Variants in HEATR5A observed in about 807,000 individuals in gnomAD.
HEATR5A encodes the protein HEAT repeat-containing protein 5A.
Under a neutral mutation model 218.8 loss-of-function variants are expected in HEATR5A, and 178 were observed. The observed-to-expected ratio is 0.81, with a 90% CI of 0.72 to 0.92. The LOEUF is 0.92. Among genes scored for constraint, HEATR5A ranks in the 40% least tolerant of loss-of-function variants. HEATR5A has a pLI of 0.00. For missense variants in HEATR5A, 2,420 were observed against 2,418.9 expected, an observed-to-expected ratio of 1.00 and a Z score of -0.01; for synonymous variants, 864 against 871.6, an observed-to-expected ratio of 0.99 and a Z score of 0.15.
At chr14:31,370,130 G>C (rs1199661945) in intron 13 of HEATR5A, among the ~76,000 whole-genome samples, 3 of 151,932 alleles carry the variant, frequency 2.0e-5, no homozygotes, top group Non-Finnish European at 4.4e-5. Context: ...GGAGGCTGAG[G>C]CAGGAGAATG....
rs138006130 is a variant in HEATR5A at position 31,336,185 on chromosome 14, C to T, written c.3367+1291G>A. Reference sequence around the variant, plus strand: ...GTAGAGATGGGGTCATGCCATATTGCGCAGGGGGTTATTTTTATATATACA... The same window carrying T: ...GTAGAGATGGGGTCATGCCATATTGTGCAGGGGGTTATTTTTATATATACA... On this transcript the variant is annotated intron_variant, in intron 22 of 35. Transcript: ENST00000543095. Among the ~76,000 whole-genome samples, 157 of 136,672 alleles carry T rather than the reference C, an allele frequency of 1.1e-3. 1 individual carries two copies. Among genetic ancestry groups the T allele is most frequent in the African/African-American group, 3.8e-3 (138 of 36,614 alleles). The allele number at this position is 136,672 out of a possible 152,430, so 89.7% of individuals were successfully genotyped here.
chr14:31,310,821 C>T (rs994341247), intron 28 of HEATR5A, among the ~76,000 whole-genome samples: 3 of 152,068 alleles, frequency 2.0e-5, no homozygotes, highest in South Asian at 2.1e-4. Flanking sequence ...ACAAACACTC[C>T]ATATATCTTT....
intron 32 of HEATR5A, among the ~76,000 whole-genome samples, chr14:31,303,989 T>A (rs2139134442): frequency 6.6e-6 from 1 of 152,112 alleles, no homozygotes; most frequent in East Asian, 1.9e-4. Flanking sequence ...GAGGATCACT[T>A]GAGGCCAGGA....
intron 24 of HEATR5A, among the ~76,000 whole-genome samples, chr14:31,322,181 C>T (rs1027783504): frequency 2.6e-5 from 4 of 152,226 alleles, no homozygotes; most frequent in African/African-American, 4.8e-5. Context: ...CATTTCTAGT[C>T]GTAGAAATGA....
At chr14:31,411,268 GTAAT>G (rs1412517083) in intron 1 of HEATR5A, among the ~76,000 whole-genome samples, 3 of 152,122 alleles carry the variant, frequency 2.0e-5, no homozygotes, top group African/African-American at 7.2e-5. Context: ...TTACAGCACT[GTAAT>G]TAACTGTAAT....
intron 3 of HEATR5A, 25 bp downstream of exon 3, chr14:31,400,276 T>A: frequency 6.9e-7 from 1 of 1,446,620 alleles, no homozygotes; most frequent in East Asian, 2.5e-5. Context: ...TTTTGTTTTC[T>A]GTTCTGTTTT....
intron 1 of HEATR5A, among the ~76,000 whole-genome samples, chr14:31,409,788 C>T (rs1024292726): frequency 3.9e-5 from 6 of 152,198 alleles, no homozygotes; most frequent in African/African-American, 1.4e-4. Context: ...ACAGTGTAAG[C>T]ACCTTCAACA....
chr14:31,359,010 G>C lies in HEATR5A; in HGVS notation c.2119C>G (p.Pro707Ala), dbSNP rs756239192. 6 of 1,587,482 alleles carry C rather than the reference G, an allele frequency of 3.8e-6. No individual in the cohort carries two copies. The highest frequency in any genetic ancestry group is 1.7e-4 in the Middle Eastern group (1 of 5,976). ...GTAGATGCTGCCACCTGAATATCAGGGGCAGTCAAGTCAGCAGCCAGCTCT... is the reference window on the plus strand; with the variant it reads ...GTAGATGCTGCCACCTGAATATCAGCGGCAGTCAAGTCAGCAGCCAGCTCT... ...LRELAADLTA[P>A]DIQVAASTFL... Residue 707 changes from proline to alanine, a missense_variant, in exon 15 of 36, where the codon CCT becomes GCT. Coordinates refer to ENST00000543095, the MANE Select transcript of HEATR5A (RefSeq NM_015473.4).
At chr14:31,317,925 A>G (rs2139158865) in intron 26 of HEATR5A, among the ~76,000 whole-genome samples, 1 of 152,162 alleles carries the variant, frequency 6.6e-6, no homozygotes, top group East Asian at 1.9e-4. Flanking sequence ...AATTTATCTC[A>G]CAGATATGCT....
intron 12 of HEATR5A, 39 bp downstream of exon 12, chr14:31,374,777 G>C: frequency 6.4e-7 from 1 of 1,567,860 alleles, no homozygotes; most frequent in Non-Finnish European, 8.6e-7. Context: ...TGGGTAAAAA[G>C]CCAAAGGAAA....
At chr14:31,362,170 T>C (rs893874462) in intron 14 of HEATR5A, among the ~76,000 whole-genome samples, 12 of 152,162 alleles carry the variant, frequency 7.9e-5, no homozygotes, top group African/African-American at 2.6e-4. Context: ...GATTTCACCA[T>C]GTTGGCCAGG....
intron 32 of HEATR5A, among the ~76,000 whole-genome samples, chr14:31,303,767 AAGG>A (rs1899465481): frequency 6.6e-6 from 1 of 152,182 alleles, no homozygotes; most frequent in African/African-American, 2.4e-5. Flanking sequence ...AAAAGCAGAT[AAGG>A]GTCATTTCAG....
Position 31,359,013 on chromosome 14 carries a change from C to A in HEATR5A, c.2116G>T (p.Ala706Ser). The change falls in exon 15 of 36, where the codon GCC becomes TCC. Residue 706 changes from alanine (A) to serine (S), a missense_variant. Physicochemically the swap from Ala to Ser is moderately conservative, Grantham distance 99. Transcript: ENST00000543095. ...ILRELAADLT[A>S]PDIQVAASTF... ...GATGCTGCCACCTGAATATCAGGGGCAGTCAAGTCAGCAGCCAGCTCTCTG... is the reference window on the plus strand; with the variant it reads ...GATGCTGCCACCTGAATATCAGGGGAAGTCAAGTCAGCAGCCAGCTCTCTG... The A allele has an allele frequency of 1.9e-6, 3 of 1,587,466 alleles. No homozygotes were observed. The highest frequency in any genetic ancestry group is 2.6e-6 in the Non-Finnish European group (3 of 1,173,928).
Position 31,383,521 on chromosome 14 carries a change from C to T in HEATR5A, c.1596G>A (p.Lys532=), listed in dbSNP as rs758087419. 1 of 1,609,872 alleles carries T rather than the reference C, an allele frequency of 6.2e-7. No individual in the cohort carries two copies. The highest frequency in any genetic ancestry group is 8.5e-7 in the Non-Finnish European group (1 of 1,176,844). Residue 532 remains lysine (K), a splice_region_variant and synonymous_variant, in exon 10 of 36, where the codon AAG becomes AAA. Coordinates refer to ENST00000543095, the MANE Select transcript of HEATR5A (RefSeq NM_015473.4). The part of the protein sequence containing the change: ...CPLGIPHGKG[K]IIMTLAEDLL... The stretch of plus-strand genomic sequence containing the variant: ...CATACATAGAGAATGAAATCATTAC[C>T]TTGCCTTTTCCATGAGGAATTCCTA...
In HEATR5A at chr14:31,321,580, C is replaced by T. The variant is rs892624709; in HGVS notation, c.3888G>A (p.Leu1296=). Reference sequence around the variant, plus strand: ...TTGCAAATCGCCGAATAACAACTAACAGCATTTCAAGGCCAGAAAGACGGA... The same window carrying T: ...TTGCAAATCGCCGAATAACAACTAATAGCATTTCAAGGCCAGAAAGACGGA... The part of the protein sequence containing the change: ...DQLRLSGLEM[L]LVVIRRFATV... Residue 1296 remains leucine, a synonymous_variant, in exon 25 of 36, where the codon CTG becomes CTA. Transcript: ENST00000543095. 15 of 1,608,600 alleles carry T rather than the reference C, an allele frequency of 9.3e-6. No homozygotes were observed. The African/African-American group carries it at 1.9e-4, about 20-fold the overall frequency.
In HEATR5A at chr14:31,362,545, T is replaced by C. The variant is rs922678616; in HGVS notation, c.2071+1644A>G. On this transcript the variant is annotated intron_variant, in intron 14 of 35. Coordinates refer to ENST00000543095, the MANE Select transcript of HEATR5A (RefSeq NM_015473.4). ...TGAGAGGCTGAGGTGGGAGGATCAC[T>C]GAAGCCCAGAAATTTGAGAACAACC... Among the ~76,000 whole-genome samples, 3 of 138,178 alleles carry C rather than the reference T, an allele frequency of 2.2e-5. No individual in the cohort carries two copies. In the Admixed American group the frequency reaches 2.4e-4, roughly 11 times the overall value. 90.7% of individuals were successfully genotyped at this position (138,178 alleles called of 152,430 possible).
At chr14:31,294,146 A>T in intron 34 of HEATR5A, 42 bp from the exon 35 acceptor site, 1 of 1,316,602 alleles carries the variant, frequency 7.6e-7, no homozygotes, top group Non-Finnish European at 1.1e-6. Context: ...CTATAAATAA[A>T]TTTTTAAAAA....
Position 31,305,182 on chromosome 14 carries a change from A to G in HEATR5A, c.4967-5T>C. The G allele has an allele frequency of 6.2e-7, 1 of 1,612,022 alleles. No homozygotes were observed. The highest frequency in any genetic ancestry group is 8.5e-7 in the Non-Finnish European group (1 of 1,179,548). ...TTTCAGCAGCCCCATCATCAACTAA[A>G]AGAAAGAATAGTGTTTAATACTTTG... On this transcript the variant is annotated splice_region_variant and splice_polypyrimidine_tract_variant and intron_variant, in intron 31 of 35. Transcript: ENST00000543095.
intron 2 of HEATR5A, among the ~76,000 whole-genome samples, chr14:31,401,768 A>C (rs190648171): frequency 5.3e-5 from 8 of 152,328 alleles, no homozygotes; most frequent in Admixed American, 2.0e-4. Context: ...AGTAAACTAT[A>C]ATCTATAACC....
Sources: gnomAD v4.1 joint callset for allele counts (sites outside exome capture counted in the v4.1 genomes callset) on GRCh38, gnomAD v4.1.1 for gene constraint, MANE v1.5 for transcripts, NCBI Gene and HGNC (gene_info 2026-07-23, HGNC 2026-07-21) for gene names.